CNTNAP2: variants seen among roughly 807,000 people sequenced by gnomAD.
The protein encoded by CNTNAP2 is contactin-associated protein-like 2.
Under a neutral mutation model 155.2 loss-of-function variants are expected in CNTNAP2, and 98 were observed. The observed-to-expected ratio is 0.63, with a 90% CI of 0.54 to 0.75. The LOEUF (loss-of-function observed/expected upper bound fraction) is 0.75, where lower values mean the gene tolerates loss of function less well. Ranked by LOEUF, CNTNAP2 falls within the 30% of genes least tolerant of loss-of-function variation. The pLI, the probability that CNTNAP2 is intolerant of heterozygous loss-of-function variation, is 0.00. For synonymous variants in CNTNAP2, 651 were observed against 631.2 expected (o/e 1.03, Z -0.47); for missense variants, 1,727 against 1,688.1 (o/e 1.02, Z -0.40).
At chr7:148,177,999 A>G (rs971304664) in intron 18 of CNTNAP2, among the ~76,000 whole-genome samples, 3 of 151,858 alleles carry the variant, frequency 2.0e-5, no homozygotes, top group Admixed American at 6.6e-5. Context: ...TCTTGAATGT[A>G]TAGTTGAATC....
chr7:146,991,599 T>C (rs1247785517), intron 3 of CNTNAP2, among the ~76,000 whole-genome samples: 13 of 152,114 alleles, frequency 8.5e-5, no homozygotes, highest in Admixed American at 3.9e-4. Flanking sequence ...GTAAAACCAA[T>C]ATAGGAGTGG....
intron 15 of CNTNAP2, among the ~76,000 whole-genome samples, chr7:148,078,759 G>T (rs888802043): frequency 6.6e-6 from 1 of 152,250 alleles, no homozygotes; most frequent in East Asian, 1.9e-4. Context: ...GGGATTATAG[G>T]CATAAGCCAT....
chr7:147,438,097 G>A (rs548772001), intron 10 of CNTNAP2, among the ~76,000 whole-genome samples: 22 of 152,012 alleles, frequency 1.4e-4, no homozygotes, highest in African/African-American at 4.3e-4. Flanking sequence ...TTTGAATGCC[G>A]TTTATCTCTT....
At position 148,032,830 on chromosome 7, in the gene CNTNAP2, C is replaced by G. The variant is rs190742447; in HGVS notation, c.2383+54841C>G. The stretch of plus-strand genomic sequence containing the variant: ...GCACTTTGGATTGTTCTGAGAAATT[C>G]CCCCTCAACACAAAACACACTCTTT... On this transcript the variant is annotated intron_variant, in intron 15 of 23. Coordinates refer to ENST00000361727, the MANE Select transcript of CNTNAP2 (RefSeq NM_014141.6). 1.1e-3 allele frequency among the ~76,000 whole-genome samples: 160 copies of G among 152,212 alleles called. 2 individuals are homozygous for G. The highest frequency in any genetic ancestry group is 1.7e-3 in the Non-Finnish European group (113 of 68,016).
At chr7:146,306,364 G>T (rs1206117426) in intron 1 of CNTNAP2, among the ~76,000 whole-genome samples, 1 of 152,032 alleles carries the variant, frequency 6.6e-6, no homozygotes, top group Non-Finnish European at 1.5e-5. Flanking sequence ...CCAATCAATA[G>T]AAAAAGAGGG....
At chr7:147,295,774 T>C (rs1805430512) in intron 8 of CNTNAP2, among the ~76,000 whole-genome samples, 2 of 152,148 alleles carry the variant, frequency 1.3e-5, no homozygotes, top group African/African-American at 4.8e-5. Context: ...ATTTTTATCA[T>C]AGATTACTGA....
intron 9 of CNTNAP2, among the ~76,000 whole-genome samples, chr7:147,356,557 A>G (rs151066590): frequency 1.3e-5 from 2 of 152,260 alleles, no homozygotes; most frequent in South Asian, 2.1e-4. Flanking sequence ...AAATCTCTTA[A>G]GCTGGTAAGA....
At chr7:148,139,893 C>G (rs539715495) in intron 16 of CNTNAP2, among the ~76,000 whole-genome samples, 1 of 152,248 alleles carries the variant, frequency 6.6e-6, no homozygotes, top group South Asian at 2.1e-4. Context: ...GGAGTTACAA[C>G]CAGTTGCAAA....
chr7:147,734,983 A>ATT (rs144986879), intron 13 of CNTNAP2, among the ~76,000 whole-genome samples: 1,652 of 148,610 alleles, frequency 0.011, 31 homozygotes, highest in African/African-American at 0.034. Flanking sequence ...GGATTCATTG[A>ATT]TTTTTTTTTT....
intron 8 of CNTNAP2, among the ~76,000 whole-genome samples, chr7:147,252,119 T>C (rs1332766940): frequency 6.6e-6 from 1 of 152,166 alleles, no homozygotes; most frequent in Admixed American, 6.6e-5. Flanking sequence ...GGATGAAAAG[T>C]TGCTGAATAA....
chr7:148,090,174 T>A (rs1401528446), intron 15 of CNTNAP2, among the ~76,000 whole-genome samples: 1 of 151,822 alleles, frequency 6.6e-6, no homozygotes, highest in Non-Finnish European at 1.5e-5. Flanking sequence ...ATAGGGAAAA[T>A]GCTCTATGAT....
chr7:147,080,902 T>C (rs1411793697), intron 4 of CNTNAP2: 2 of 151,904 alleles, frequency 1.3e-5, no homozygotes, highest in East Asian at 3.9e-4. Flanking sequence ...AAGATTGAAC[T>C]GATATGAATG....
At chr7:147,428,033 A>T (rs1005039887) in intron 10 of CNTNAP2, among the ~76,000 whole-genome samples, 2 of 152,212 alleles carry the variant, frequency 1.3e-5, no homozygotes, top group Non-Finnish European at 2.9e-5. Flanking sequence ...TGAAAATTTC[A>T]GTTGCAAAGA....
chr7:146,817,131 C>A (rs1803186986), intron 2 of CNTNAP2, among the ~76,000 whole-genome samples: 1 of 152,094 alleles, frequency 6.6e-6, no homozygotes, highest in South Asian at 2.1e-4. Flanking sequence ...AACCCTGTTA[C>A]ATAAACAGTG....
chr7:148,137,643 C>G (rs1477520126), intron 16 of CNTNAP2, among the ~76,000 whole-genome samples: 1 of 141,212 alleles, frequency 7.1e-6, no homozygotes, highest in African/African-American at 2.7e-5. Context: ...GCCTGGGCAA[C>G]AGAGCAAAAG....
intron 1 of CNTNAP2, among the ~76,000 whole-genome samples, chr7:146,530,500 C>T (rs907711002): frequency 2.0e-5 from 3 of 152,144 alleles, no homozygotes; most frequent in South Asian, 4.2e-4. Flanking sequence ...GTCTAATATC[C>T]GTAATCTATA....
chr7:147,412,134 C>A (rs772143352), intron 10 of CNTNAP2, among the ~76,000 whole-genome samples: 1 of 152,108 alleles, frequency 6.6e-6, no homozygotes, highest in Non-Finnish European at 1.5e-5. Flanking sequence ...ACCTCCTACT[C>A]GAAATTCATC....
intron 15 of CNTNAP2, among the ~76,000 whole-genome samples, chr7:148,109,027 C>T (rs115864538): frequency 0.026 from 3,923 of 152,194 alleles, 152 homozygotes; most frequent in African/African-American, 0.089. Flanking sequence ...GGGGAAAAGC[C>T]TCAGGGTTTG....
rs565457413 is a variant in CNTNAP2 at position 146,697,357 on chromosome 7, C to A, written c.98-76914C>A. On this transcript the variant is annotated intron_variant, in intron 1 of 23. Transcript: ENST00000361727. ...GGCTCAAACAATTCTCCCTGCTCAG[C>A]CTCCTGAGTAGCTGGAACTACAGGC... 4.6e-5 allele frequency among the ~76,000 whole-genome samples: 7 copies of A among 152,190 alleles called. No homozygotes were observed. In the East Asian group the frequency reaches 1.4e-3, roughly 30 times the overall value.
Sources: gnomAD v4.1 joint callset for allele counts (sites outside exome capture counted in the v4.1 genomes callset) on GRCh38, gnomAD v4.1.1 for gene constraint, MANE v1.5 for transcripts, NCBI Gene and HGNC (gene_info 2026-07-23, HGNC 2026-07-21) for gene names.